The following WWOX variants were observed in gnomAD, a reference collection of about 807,000 sequenced individuals.
WWOX encodes the protein WW domain-containing oxidoreductase.
A neutral mutation model predicts 46.2 loss-of-function variants in WWOX; 69 were observed. That is an observed-to-expected ratio of 1.49 (90% confidence interval 1.23 to 1.82). The LOEUF is 1.82. Among genes scored for constraint, WWOX ranks in the 40% most tolerant of loss-of-function variants. The pLI, the probability that WWOX is intolerant of heterozygous loss-of-function variation, is 0.00. For synonymous variants in WWOX, 359 were observed against 202.6 expected (o/e 1.77, Z -6.56); for missense variants, 919 against 542.6 (o/e 1.69, Z -6.89).
chr16:78,714,834 A>G (rs2048525471), intron 8 of WWOX, among the ~76,000 whole-genome samples: 1 of 152,214 alleles, frequency 6.6e-6, no homozygotes. Flanking sequence ...TTCTAGCTGC[A>G]GTGAGGAACC....
intron 8 of WWOX, among the ~76,000 whole-genome samples, chr16:78,555,913 C>T (rs977239240): frequency 3.3e-5 from 5 of 152,074 alleles, no homozygotes; most frequent in Non-Finnish European, 7.3e-5. Context: ...GTGTCTACTG[C>T]AGGGTATTTA....
intron 8 of WWOX, among the ~76,000 whole-genome samples, chr16:79,088,475 T>C (rs2048894140): frequency 6.6e-6 from 1 of 152,218 alleles, no homozygotes; most frequent in Admixed American, 6.5e-5. Context: ...GTGCAAGGGA[T>C]AACCTCACAG....
intron 8 of WWOX, among the ~76,000 whole-genome samples, chr16:79,060,420 C>T (rs1466353088): frequency 6.6e-6 from 1 of 152,218 alleles, no homozygotes; most frequent in Non-Finnish European, 1.5e-5. Flanking sequence ...AGCATGGATG[C>T]CCGTGCTTTC....
intron 8 of WWOX, among the ~76,000 whole-genome samples, chr16:78,461,408 G>C (rs1338980208): frequency 6.6e-6 from 1 of 152,192 alleles, no homozygotes. Flanking sequence ...AAAAAAGAAA[G>C]AGCGTATTTA....
chr16:78,632,603 G>A (rs1207393345), intron 8 of WWOX, among the ~76,000 whole-genome samples: 2 of 121,346 alleles, frequency 1.6e-5, no homozygotes, highest in Non-Finnish European at 3.2e-5. Flanking sequence ...CTGTCTCCCA[G>A]GCTGGAGTGC....
intron 4 of WWOX, among the ~76,000 whole-genome samples, chr16:78,144,325 C>T (rs1207490814): frequency 6.7e-6 from 1 of 148,880 alleles, no homozygotes; most frequent in Non-Finnish European, 1.5e-5. Context: ...TGAGATACAG[C>T]TCACATGGAG....
At chr16:78,623,056 G>C (rs1002235128) in intron 8 of WWOX, among the ~76,000 whole-genome samples, 1 of 151,846 alleles carries the variant, frequency 6.6e-6, no homozygotes, top group Non-Finnish European at 1.5e-5. Flanking sequence ...CAACCTAAGG[G>C]AGCTTGAAGG....
At chr16:78,784,550 C>A (rs780870603) in intron 8 of WWOX, among the ~76,000 whole-genome samples, 8 of 152,092 alleles carry the variant, frequency 5.3e-5, no homozygotes, top group African/African-American at 9.7e-5. Context: ...TCAGTCTCCT[C>A]ATCTACAAAG....
chr16:78,122,910 G>T (rs1042894299), intron 4 of WWOX, among the ~76,000 whole-genome samples: 1 of 152,016 alleles, frequency 6.6e-6, no homozygotes, highest in Non-Finnish European at 1.5e-5. Context: ...CGGGGGTGTT[G>T]TACATATTTC....
chr16:78,112,529 C>A (rs2032549166), intron 3 of WWOX, among the ~76,000 whole-genome samples: 1 of 152,070 alleles, frequency 6.6e-6, no homozygotes, highest in Non-Finnish European at 1.5e-5. Context: ...ATAGGCAGCC[C>A]CAGGAAGACG....
chr16:78,735,865 C>A (rs2049079812), intron 8 of WWOX, among the ~76,000 whole-genome samples: 1 of 113,520 alleles, frequency 8.8e-6, no homozygotes, highest in Non-Finnish European at 1.9e-5. Flanking sequence ...GCAACAGGGC[C>A]AGGGATCTGA....
rs74029903 is a variant in WWOX at position 78,701,341 on chromosome 16, T to G, written c.1056+268589T>G. ...ATCCTCTTGCCTTGGCCTCCCATAG[T>G]GCTGGCGTTTCAGGCTTGAGTCACT... is the stretch of plus-strand genomic sequence containing the variant. On this transcript the variant is annotated intron_variant, in intron 8 of 8. Transcript: ENST00000566780. Among the ~76,000 whole-genome samples, 820 of 152,246 alleles carry G rather than the reference T, an allele frequency of 5.4e-3. 7 individuals are homozygous for G. The highest frequency in any genetic ancestry group is 0.019 in the African/African-American group (778 of 41,536).
chr16:78,569,906 C>A (rs148876958), intron 8 of WWOX, among the ~76,000 whole-genome samples: 1 of 152,184 alleles, frequency 6.6e-6, no homozygotes, highest in South Asian at 2.1e-4. Flanking sequence ...AAATACCCAT[C>A]GGTACCTCTT....
chr16:78,111,366 T>C (rs2032479911), intron 3 of WWOX, among the ~76,000 whole-genome samples: 1 of 152,228 alleles, frequency 6.6e-6, no homozygotes, highest in South Asian at 2.1e-4. Flanking sequence ...CTTTTAATAT[T>C]ACTCTTTGTG....
intron 8 of WWOX, among the ~76,000 whole-genome samples, chr16:78,647,048 T>G (rs1220352788): frequency 6.6e-6 from 1 of 152,172 alleles, no homozygotes; most frequent in Non-Finnish European, 1.5e-5. Context: ...AGCCCAGCTC[T>G]CCCTTTGTGA....
intron 8 of WWOX, among the ~76,000 whole-genome samples, chr16:79,051,349 A>G (rs559667160): frequency 2.0e-5 from 3 of 152,338 alleles, no homozygotes; most frequent in African/African-American, 2.4e-5. Context: ...TTTCATTAAC[A>G]TAAAATCCAA....
chr16:78,353,582 A>G (rs1382723061), intron 5 of WWOX, among the ~76,000 whole-genome samples: 1 of 152,226 alleles, frequency 6.6e-6, no homozygotes, highest in Non-Finnish European at 1.5e-5. Context: ...CTTGGTATTC[A>G]CCAAGGAATT....
At chr16:78,604,457 T>A (rs963384790) in intron 8 of WWOX, among the ~76,000 whole-genome samples, 2 of 152,144 alleles carry the variant, frequency 1.3e-5, no homozygotes, top group African/African-American at 2.4e-5. Context: ...CAAAAGAGAA[T>A]TGTCATCTGT....
intron 8 of WWOX, among the ~76,000 whole-genome samples, chr16:79,079,265 A>G (rs1256297531): frequency 6.6e-6 from 1 of 152,176 alleles, no homozygotes; most frequent in Non-Finnish European, 1.5e-5. Context: ...TGGGTATTTA[A>G]TCACCTTAGC....
Sources: allele counts gnomAD v4.1 joint callset (sites outside exome capture counted in the v4.1 genomes callset), GRCh38; gene constraint gnomAD v4.1.1; transcripts MANE v1.5; gene names NCBI Gene and HGNC (gene_info 2026-07-23, HGNC 2026-07-21).